Variants in RBFOX1 observed in about 807,000 individuals in gnomAD.
The protein encoded by RBFOX1 is RNA binding protein fox-1 homolog 1.
Under a neutral mutation model 57.7 loss-of-function variants are expected in RBFOX1, and 8 were observed. The ratio of observed to expected loss-of-function variants is 0.14; its 90% CI spans 0.08 to 0.25. The LOEUF (loss-of-function observed/expected upper bound fraction) is 0.25. Among genes scored for constraint, RBFOX1 ranks in the 10% least tolerant of loss-of-function variants. RBFOX1 has a pLI of 1.00. For missense variants in RBFOX1, 611 were observed against 548.5 expected (o/e 1.11, Z -1.14); for synonymous variants, 326 against 222.4 (o/e 1.47, Z -4.15).
chr16:5,421,090 T>TC (rs2067312100), intron 1 of RBFOX1, among the ~76,000 whole-genome samples: 2 of 151,972 alleles, frequency 1.3e-5, no homozygotes, highest in Admixed American at 1.3e-4. Flanking sequence ...CACTGCAGCG[T>TC]CCGCCTCCTA....
intron 3 of RBFOX1, among the ~76,000 whole-genome samples, chr16:5,750,936 T>A (rs1031054059): frequency 6.6e-6 from 1 of 152,214 alleles, no homozygotes; most frequent in African/African-American, 2.4e-5. Context: ...AGAAATTACC[T>A]GTCTTCTGCG....
At chr16:5,892,954 G>T (rs1369417144) in intron 4 of RBFOX1, among the ~76,000 whole-genome samples, 2 of 152,138 alleles carry the variant, frequency 1.3e-5, no homozygotes, top group Non-Finnish European at 2.9e-5. Context: ...TTCTCCCAAT[G>T]TTCAACGAAG....
chr16:5,822,248 A>G (rs1287297316), intron 3 of RBFOX1, among the ~76,000 whole-genome samples: 2 of 152,194 alleles, frequency 1.3e-5, no homozygotes, highest in African/African-American at 4.8e-5. Flanking sequence ...ATGCAAAGGC[A>G]TAAGAATGAT....
intron 3 of RBFOX1, among the ~76,000 whole-genome samples, chr16:6,814,304 A>T (rs919084351): frequency 4.6e-5 from 7 of 152,170 alleles, no homozygotes; most frequent in African/African-American, 1.7e-4. Flanking sequence ...CTGATCTTCA[A>T]ACTGAAAGCA....
At chr16:6,210,345 C>CAAACAAAAAAAAAA (rs2097285887) in intron 1 of RBFOX1, among the ~76,000 whole-genome samples, 1 of 26,020 alleles carries the variant, frequency 3.8e-5, no homozygotes, top group Non-Finnish European at 6.6e-5. Context: ...AACAAAAAAA[C>CAAACAAAAAAAAAA]AAAAAAAAAA....
chr16:7,192,078 C>G (rs182830616), intron 4 of RBFOX1, among the ~76,000 whole-genome samples: 1 of 151,890 alleles, frequency 6.6e-6, no homozygotes, highest in Admixed American at 6.6e-5. Flanking sequence ...ATTCTACGAG[C>G]TGTTTTCAAA....
At chr16:6,847,518 C>G (rs1370378880) in intron 3 of RBFOX1, among the ~76,000 whole-genome samples, 2 of 152,076 alleles carry the variant, frequency 1.3e-5, no homozygotes, top group Non-Finnish European at 2.9e-5. Context: ...TTGGCCAAAG[C>G]ATGATACGCA....
chr16:6,247,605 A>C (rs1056249404), intron 1 of RBFOX1, among the ~76,000 whole-genome samples: 3 of 152,320 alleles, frequency 2.0e-5, no homozygotes, highest in African/African-American at 7.2e-5. Flanking sequence ...TTTATCTGCA[A>C]AACAACCCTA....
chr16:7,428,582 G>C (rs970557215), intron 4 of RBFOX1, among the ~76,000 whole-genome samples: 12 of 149,478 alleles, frequency 8.0e-5, no homozygotes, highest in African/African-American at 3.0e-4. Flanking sequence ...TGTTGGCCAG[G>C]CTGGTATCAA....
At chr16:6,871,840 C>G (rs115098551) in intron 3 of RBFOX1, among the ~76,000 whole-genome samples, 1 of 151,606 alleles carries the variant, frequency 6.6e-6, no homozygotes, top group Admixed American at 6.6e-5. Flanking sequence ...TGCTGCTTAG[C>G]CTATCGTGTC....
intron 3 of RBFOX1, among the ~76,000 whole-genome samples, chr16:6,849,390 TG>T: frequency 6.6e-6 from 1 of 152,290 alleles, no homozygotes; most frequent in East Asian, 1.9e-4. Context: ...AAGGCCTGGC[TG>T]GGTGTGGTGG....
chr16:6,876,042 A>T (rs937785966), intron 3 of RBFOX1, among the ~76,000 whole-genome samples: 1 of 151,706 alleles, frequency 6.6e-6, no homozygotes, highest in African/African-American at 2.4e-5. Context: ...GCATAGTAAC[A>T]CACGTCTATA....
At chr16:7,512,127 T>C (rs1277211823) in intron 4 of RBFOX1, among the ~76,000 whole-genome samples, 1 of 152,068 alleles carries the variant, frequency 6.6e-6, no homozygotes, top group East Asian at 1.9e-4. Flanking sequence ...GGTTTGGCAT[T>C]GGAGTAGAAG....
At chr16:5,722,306 C>T (rs147683007) in intron 3 of RBFOX1, among the ~76,000 whole-genome samples, 19 of 152,304 alleles carry the variant, frequency 1.2e-4, no homozygotes, top group East Asian at 9.7e-4. Flanking sequence ...CCTTGTGATT[C>T]ACTGTTGTTC....
At chr16:7,298,517 C>G (rs1338208471) in intron 4 of RBFOX1, among the ~76,000 whole-genome samples, 4 of 151,978 alleles carry the variant, frequency 2.6e-5, no homozygotes, top group Non-Finnish European at 4.4e-5. Flanking sequence ...ATCTTGAACT[C>G]CTGTCCTTAA....
Position 5,548,158 on chromosome 16 carries a change from TA to T in RBFOX1, c.259-50727del, listed in dbSNP as rs59117140. On this transcript the variant is annotated intron_variant, in intron 2 of 2. Coordinates refer to the RBFOX1 transcript ENST00000585867. ...CCTGGGTGACAGAGCAAGACTCTGTTAAAAAAAAAAAAAAAAATATATATAT... is the reference window on the plus strand; with the variant it reads ...CCTGGGTGACAGAGCAAGACTCTGTTAAAAAAAAAAAAAAAATATATATAT... Among the ~76,000 whole-genome samples the T allele has an allele frequency of 7.9e-3, 652 of 82,348 alleles. 12 individuals are homozygous for T. Among genetic ancestry groups the T allele is most frequent in the African/African-American group, 0.025 (519 of 20,614 alleles). The allele number at this position is 82,348 out of a possible 152,430, so 54.0% of individuals were successfully genotyped here.
intron 3 of RBFOX1, among the ~76,000 whole-genome samples, chr16:5,655,305 T>C (rs1299972725): frequency 6.6e-6 from 1 of 152,196 alleles, no homozygotes; most frequent in African/African-American, 2.4e-5. Context: ...TTGATAGTTT[T>C]CACCCATTTC....
At chr16:5,323,669 A>C (rs2064477625) in intron 1 of RBFOX1, among the ~76,000 whole-genome samples, 1 of 152,260 alleles carries the variant, frequency 6.6e-6, no homozygotes, top group Non-Finnish European at 1.5e-5. Flanking sequence ...AGTTATTTAT[A>C]TGTTAATAAG....
intron 4 of RBFOX1, among the ~76,000 whole-genome samples, chr16:7,166,177 C>T (rs116626573): frequency 6.6e-6 from 1 of 152,022 alleles, no homozygotes; most frequent in Non-Finnish European, 1.5e-5. Flanking sequence ...GCACACCCAG[C>T]TAATTTTTGT....
Sources: allele counts gnomAD v4.1 joint callset (sites outside exome capture counted in the v4.1 genomes callset), GRCh38; gene constraint gnomAD v4.1.1; transcripts MANE v1.5; gene names NCBI Gene and HGNC (gene_info 2026-07-23, HGNC 2026-07-21).